The following PRELID2 variants were observed in gnomAD, a reference collection of about 807,000 sequenced individuals.
The protein encoded by PRELID2 is PRELI domain-containing protein 2.
PRELID2 carries 25 observed loss-of-function variants against 28.4 expected under a neutral mutation model. The observed-to-expected ratio is 0.88, with a 90% CI of 0.64 to 1.23. The LOEUF is 1.23. Among genes scored for constraint, PRELID2 ranks in the 50% most tolerant of loss-of-function variants. The probability of loss-of-function intolerance (pLI) is 0.00; values close to 1 mark genes in which losing one functional copy is unlikely to be tolerated. For missense variants in PRELID2, 201 were observed against 214.4 expected (o/e 0.94, Z 0.39); for synonymous variants, 76 against 71.6 (o/e 1.06, Z -0.31).
the PRELID2 span, among the ~76,000 whole-genome samples, chr5:145,345,291 G>T: frequency 6.6e-6 from 1 of 151,900 alleles, no homozygotes; most frequent in African/African-American, 2.4e-5. Context: ...TCAAGCTCAA[G>T]AAAGTAGATA....
chr5:145,320,361 C>A, the PRELID2 span, among the ~76,000 whole-genome samples: 1 of 151,802 alleles, frequency 6.6e-6, no homozygotes, highest in East Asian at 1.9e-4. Context: ...AGCTCCGCCT[C>A]ACCGCTTCAC....
At chr5:145,472,244 A>C (rs1315758792) in intron 2 of PRELID2, 1 of 152,198 alleles carries the variant, frequency 6.6e-6, no homozygotes, top group Non-Finnish European at 1.5e-5. Context: ...TTAAGAAAGA[A>C]GAGGTTATGC....
At chr5:145,447,131 G>A in the PRELID2 span, among the ~76,000 whole-genome samples, 1,179 of 151,614 alleles carry the variant, frequency 7.8e-3, 11 homozygotes, top group African/African-American at 0.027. Flanking sequence ...TTTTGATATA[G>A]TCCTGACACA....
the PRELID2 span, among the ~76,000 whole-genome samples, chr5:145,238,987 GTCTA>G: frequency 1.5e-4 from 21 of 141,520 alleles, no homozygotes; most frequent in African/African-American, 2.5e-4. Context: ...CTATCTATCT[GTCTA>G]TCTATCTATC....
chr5:145,531,996 G>A (rs1752658132), intron 1 of PRELID2, among the ~76,000 whole-genome samples: 1 of 152,178 alleles, frequency 6.6e-6, no homozygotes, highest in South Asian at 2.1e-4. Context: ...ACACAGGAGT[G>A]TTGTAGAAAT....
intron 1 of PRELID2, among the ~76,000 whole-genome samples, chr5:145,713,999 A>T (rs1755776744): frequency 6.6e-6 from 1 of 152,040 alleles, no homozygotes; most frequent in East Asian, 1.9e-4. Flanking sequence ...CTAAAAAAAA[A>T]AGTCTATAGC....
chr5:145,785,783 A>G (rs1431725620), intron 5 of PRELID2, among the ~76,000 whole-genome samples: 2 of 152,226 alleles, frequency 1.3e-5, no homozygotes, highest in African/African-American at 4.8e-5. Flanking sequence ...TTGTGCCATC[A>G]GGGTGTAAGT....
rs1203875516 is a variant in PRELID2 at position 145,640,179 on chromosome 5, G to A, written n.70+124752C>T. On this transcript the variant is annotated intron_variant and non_coding_transcript_variant, in intron 1 of 2. Coordinates refer to the PRELID2 transcript ENST00000510259. ...GGAAAGGTGAAACCCCGTCTGTACTGAAAAAATACAAAAAAATTGGCCGGC... is the reference window on the plus strand; with the variant it reads ...GGAAAGGTGAAACCCCGTCTGTACTAAAAAAATACAAAAAAATTGGCCGGC... Among the ~76,000 whole-genome samples the A allele has an allele frequency of 2.0e-5, 3 of 152,046 alleles. No individual in the cohort carries two copies. The East Asian group carries it at 5.8e-4, about 29-fold the overall frequency.
the PRELID2 span, among the ~76,000 whole-genome samples, chr5:145,342,519 A>G: frequency 6.6e-6 from 1 of 152,190 alleles, no homozygotes; most frequent in African/African-American, 2.4e-5. Context: ...GGATTAAATT[A>G]TCCACTGAAT....
chr5:145,711,405 G>A (rs1438017849), intron 1 of PRELID2, among the ~76,000 whole-genome samples: 1 of 152,178 alleles, frequency 6.6e-6, no homozygotes, highest in Non-Finnish European at 1.5e-5. Context: ...CATCCTTGGT[G>A]AAGTGGTGAA....
chr5:145,295,158 C>T, the PRELID2 span, among the ~76,000 whole-genome samples: 1 of 152,088 alleles, frequency 6.6e-6, no homozygotes, highest in Non-Finnish European at 1.5e-5. Context: ...TTGTAGCAAA[C>T]TTTAGATTAT....
chr5:145,831,571 A>G (rs1017300171), intron 1 of PRELID2, among the ~76,000 whole-genome samples: 2 of 152,208 alleles, frequency 1.3e-5, no homozygotes, highest in Non-Finnish European at 2.9e-5. Context: ...TCACCCAGCA[A>G]ATGGGTTTAC....
the PRELID2 span, among the ~76,000 whole-genome samples, chr5:145,452,797 A>C: frequency 6.6e-6 from 1 of 152,104 alleles, no homozygotes; most frequent in Non-Finnish European, 1.5e-5. Context: ...GCAAAAAAAG[A>C]ATGAAGGGAG....
At chr5:145,247,339 A>G in the PRELID2 span, among the ~76,000 whole-genome samples, 1 of 151,160 alleles carries the variant, frequency 6.6e-6, no homozygotes, top group African/African-American at 2.5e-5. Flanking sequence ...CCACACAGTC[A>G]ACTCTGTGAA....
intron 1 of PRELID2, among the ~76,000 whole-genome samples, chr5:145,683,373 T>C (rs1199816521): frequency 6.6e-6 from 1 of 152,196 alleles, no homozygotes; most frequent in Non-Finnish European, 1.5e-5. Context: ...ATAACCAGTA[T>C]ACTGGTGTGC....
the PRELID2 span, among the ~76,000 whole-genome samples, chr5:145,391,166 G>C: frequency 2.0e-5 from 3 of 152,242 alleles, no homozygotes; most frequent in East Asian, 3.9e-4. Context: ...CTGGAGGATG[G>C]TGGCCCTCTT....
the PRELID2 span, among the ~76,000 whole-genome samples, chr5:145,414,523 T>C: frequency 6.6e-6 from 1 of 152,224 alleles, no homozygotes; most frequent in African/African-American, 2.4e-5. Context: ...AGAACACTTT[T>C]CTTTCTTTTT....
Position 145,559,610 on chromosome 5 carries a change from C to T in PRELID2, n.71-86295G>A, listed in dbSNP as rs143336578. The stretch of plus-strand genomic sequence containing the variant: ...TCTCATCCCATGACTCCTCTATTGC[C>T]CCCTCCTCCTTATTTCTAAGAAAAG... On this transcript the variant is annotated intron_variant and non_coding_transcript_variant, in intron 1 of 2. Coordinates refer to the PRELID2 transcript ENST00000510259. Among the ~76,000 whole-genome samples the T allele has an allele frequency of 4.0e-4, 61 of 152,146 alleles. No individual in the cohort carries two copies. The East Asian group carries it at 9.9e-3, about 25-fold the overall frequency.
At chr5:145,262,375 A>G in the PRELID2 span, among the ~76,000 whole-genome samples, 13 of 152,176 alleles carry the variant, frequency 8.5e-5, no homozygotes, top group Admixed American at 6.6e-4. Flanking sequence ...TTGCCTCAGC[A>G]CATAGTCATC....
Sources: allele counts gnomAD v4.1 joint callset (sites outside exome capture counted in the v4.1 genomes callset), GRCh38; gene constraint gnomAD v4.1.1; transcripts MANE v1.5; gene names NCBI Gene and HGNC (gene_info 2026-07-23, HGNC 2026-07-21).